The following HIPK2 variants were observed in gnomAD, a reference collection of about 807,000 sequenced individuals.
HIPK2 encodes the protein homeodomain-interacting protein kinase 2.
HIPK2 carries 27 observed loss-of-function variants against 113.7 expected under a neutral mutation model. The observed-to-expected ratio is 0.24, with a 90% CI of 0.17 to 0.33. The LOEUF (loss-of-function observed/expected upper bound fraction) is 0.33, where lower values mean the gene tolerates loss of function less well. Ranked by LOEUF, HIPK2 falls within the 10% of genes least tolerant of loss-of-function variation. The probability of loss-of-function intolerance (pLI) is 1.00; values close to 1 mark genes in which losing one functional copy is unlikely to be tolerated. For synonymous variants in HIPK2, 631 were observed against 642.2 expected, an observed-to-expected ratio of 0.98 and a Z score of 0.26; for missense variants, 1,257 against 1,588.0, an observed-to-expected ratio of 0.79 and a Z score of 3.54.
intron 12 of HIPK2, among the ~76,000 whole-genome samples, chr7:139,590,079 G>GAA (rs748167819): frequency 1.4e-4 from 21 of 152,300 alleles, no homozygotes; most frequent in Admixed American, 2.6e-4. Flanking sequence ...CATTTCAGAT[G>GAA]ACTACGGCAG....
chr7:139,643,124 A>G (rs1384871594), intron 2 of HIPK2, among the ~76,000 whole-genome samples: 2 of 152,228 alleles, frequency 1.3e-5, no homozygotes, highest in Non-Finnish European at 2.9e-5. Flanking sequence ...TGATTCTGTC[A>G]TAACTGAGTA....
intron 2 of HIPK2, among the ~76,000 whole-genome samples, chr7:139,680,076 T>G (rs1387937570): frequency 6.6e-6 from 1 of 152,120 alleles, no homozygotes; most frequent in African/African-American, 2.4e-5. Context: ...GTACAGGATT[T>G]CCTAAGGTAA....
intron 1 of HIPK2, among the ~76,000 whole-genome samples, chr7:139,766,493 C>A (rs1223147266): frequency 6.6e-6 from 1 of 152,188 alleles, no homozygotes; most frequent in Non-Finnish European, 1.5e-5. Flanking sequence ...ACAAATGGAA[C>A]AAGAGTGTCA....
chr7:139,769,304 C>G (rs10245100), intron 1 of HIPK2, among the ~76,000 whole-genome samples: 1 of 143,974 alleles, frequency 6.9e-6, no homozygotes, highest in African/African-American at 2.8e-5. Context: ...TCCATCTCCA[C>G]GGCCGCAGTG....
At chr7:139,710,899 A>T (rs1795044698) in intron 2 of HIPK2, among the ~76,000 whole-genome samples, 1 of 152,114 alleles carries the variant, frequency 6.6e-6, no homozygotes, top group South Asian at 2.1e-4. Flanking sequence ...CAGCCATATA[A>T]GATGTGCCTG....
intron 13 of HIPK2, among the ~76,000 whole-genome samples, chr7:139,580,028 G>A (rs1798618467): frequency 6.6e-6 from 1 of 152,208 alleles, no homozygotes; most frequent in Non-Finnish European, 1.5e-5. Flanking sequence ...GAGGGATGGA[G>A]GGATTTTTGT....
At chr7:139,762,648 A>G (rs776798357) in intron 1 of HIPK2, among the ~76,000 whole-genome samples, 3 of 152,180 alleles carry the variant, frequency 2.0e-5, no homozygotes, top group Non-Finnish European at 4.4e-5. Context: ...TATACACTCT[A>G]AAAGGGTGGC....
chr7:139,678,513 C>CT (rs1802586794), intron 2 of HIPK2, among the ~76,000 whole-genome samples: 1 of 152,176 alleles, frequency 6.6e-6, no homozygotes, highest in Admixed American at 6.5e-5. Context: ...TCTGAGGCCT[C>CT]TGTTTTGTTC....
chr7:139,642,242 A>G (rs910060144), intron 2 of HIPK2, among the ~76,000 whole-genome samples: 5 of 152,234 alleles, frequency 3.3e-5, no homozygotes, highest in African/African-American at 1.2e-4. Flanking sequence ...AAAAATAAGG[A>G]GACTTGCATT....
chr7:139,633,343 C>T (rs145376317), intron 2 of HIPK2, among the ~76,000 whole-genome samples: 7 of 152,146 alleles, frequency 4.6e-5, no homozygotes, highest in African/African-American at 1.7e-4. Context: ...TCAGAAACAC[C>T]CCCACTGGTC....
chr7:139,667,909 C>A (rs1249818655), intron 2 of HIPK2, among the ~76,000 whole-genome samples: 1 of 151,512 alleles, frequency 6.6e-6, no homozygotes, highest in Non-Finnish European at 1.5e-5. Context: ...GGGTGGATCA[C>A]CTGAGGTCAG....
intron 2 of HIPK2, among the ~76,000 whole-genome samples, chr7:139,663,342 G>C (rs1022116099): frequency 6.6e-6 from 1 of 152,192 alleles, no homozygotes; most frequent in Non-Finnish European, 1.5e-5. Flanking sequence ...ACTAGGAAGC[G>C]GGTTTACAGC....
At chr7:139,752,562 T>C (rs930065570) in intron 1 of HIPK2, among the ~76,000 whole-genome samples, 6 of 152,058 alleles carry the variant, frequency 3.9e-5, no homozygotes, top group Admixed American at 2.0e-4. Context: ...AGCTAACTTA[T>C]GGGGTTAGGA....
At chr7:139,688,706 T>C (rs1794304021) in intron 2 of HIPK2, among the ~76,000 whole-genome samples, 1 of 152,222 alleles carries the variant, frequency 6.6e-6, no homozygotes, top group African/African-American at 2.4e-5. Flanking sequence ...CAATTGACTA[T>C]TTTTAACACC....
At chr7:139,722,030 A>G in intron 1 of HIPK2, 1 of 474,216 alleles carries the variant, frequency 2.1e-6, no homozygotes, top group Non-Finnish European at 4.2e-6. Context: ...TCTGTCTCAT[A>G]AACAGGCTGA....
chr7:139,629,384 G>A (rs1252607138), intron 4 of HIPK2, among the ~76,000 whole-genome samples: 3 of 152,236 alleles, frequency 2.0e-5, no homozygotes, highest in Admixed American at 1.3e-4. Flanking sequence ...AAAGCAAAGG[G>A]CTTTCCCATG....
intron 13 of HIPK2, 148 bp from the exon 14 acceptor site, chr7:139,575,436 ACTAGGACTTTGC>A (rs1230228629): frequency 1.1e-6 from 1 of 909,122 alleles, no homozygotes; most frequent in Non-Finnish European, 1.6e-6. Context: ...CCCCGGACCC[ACTAGGACTTTGC>A]CTTGACTCTG....
In HIPK2 at chr7:139,614,242, G is replaced by T. The variant is rs755498575; in HGVS notation, c.1990+44C>A. 3 of 1,360,552 alleles carry T rather than the reference G, an allele frequency of 2.2e-6. No homozygotes were observed. The Admixed American group carries it at 9.5e-5, about 43-fold the overall frequency. The allele number at this position is 1,360,552 out of a possible 1,614,324, so 84.3% of individuals were successfully genotyped here. A position where few individuals can be genotyped will look rare whatever the true frequency, so the allele number is the denominator to read the frequency against. The stretch of plus-strand genomic sequence containing the variant: ...TGCAGGTGCCGGAGCCCCAGAGGCC[G>T]TTCTGTAAGAAGCAGGTGAGAGGCT... On this transcript the variant is annotated intron_variant, in intron 8 of 14. Coordinates refer to ENST00000406875, the MANE Select transcript of HIPK2 (RefSeq NM_022740.5).
chr7:139,636,878 C>T (rs949533573), intron 2 of HIPK2, among the ~76,000 whole-genome samples: 1 of 152,184 alleles, frequency 6.6e-6, no homozygotes, highest in Admixed American at 6.5e-5. Flanking sequence ...ATTCTGGAAG[C>T]CTGGTATTGC....
Sources: allele counts gnomAD v4.1 joint callset (sites outside exome capture counted in the v4.1 genomes callset), GRCh38; gene constraint gnomAD v4.1.1; transcripts MANE v1.5; gene names NCBI Gene and HGNC (gene_info 2026-07-23, HGNC 2026-07-21).